The following DIAPH2 variants were observed in gnomAD, a reference collection of about 807,000 sequenced individuals.
DIAPH2 encodes protein diaphanous homolog 2.
A neutral mutation model predicts 92.7 loss-of-function variants in DIAPH2; 35 were observed. The observed-to-expected ratio is 0.38, with a 90% CI of 0.29 to 0.50. The LOEUF (loss-of-function observed/expected upper bound fraction) is 0.50, where lower values mean the gene tolerates loss of function less well. Ranked by LOEUF, DIAPH2 falls within the 20% of genes least tolerant of loss-of-function variation. The probability of loss-of-function intolerance (pLI) is 0.94; values close to 1 mark genes in which losing one functional copy is unlikely to be tolerated. For synonymous variants in DIAPH2, 301 were observed against 280.4 expected (o/e 1.07, Z -0.73); for missense variants, 701 against 819.5 (o/e 0.86, Z 1.77).
At chrX:96,884,364 G>A in intron 5 of DIAPH2, 2 of 1,210,737 alleles carry the variant, frequency 1.7e-6, no homozygotes, top group Non-Finnish European at 2.2e-6. Flanking sequence ...CTGATGGAGC[G>A]AGTGGAGGCA....
intron 23 of DIAPH2, among the ~76,000 whole-genome samples, chrX:97,332,552 T>C (rs1194435810): frequency 1.3e-4 from 14 of 111,962 alleles, no homozygotes; most frequent in Non-Finnish European, 2.6e-4. Context: ...ACACTATCTA[T>C]AATTCAGTAT....
At chrX:97,338,776 A>C (rs1208331437) in intron 23 of DIAPH2, among the ~76,000 whole-genome samples, 1 of 112,340 alleles carries the variant, frequency 8.9e-6, no homozygotes, top group Non-Finnish European at 1.9e-5. Context: ...GTGCTCTGCT[A>C]ATGCTTATTC....
chrX:96,939,425 G>C (rs774487509), intron 12 of DIAPH2, 43 bp downstream of exon 12: 2 of 533,272 alleles, frequency 3.8e-6, no homozygotes, highest in African/African-American at 5.1e-5. Flanking sequence ...AATTTGAATC[G>C]GATATTAAAG....
At chrX:97,538,795 G>GAAGAT (rs1219280815) in intron 26 of DIAPH2, among the ~76,000 whole-genome samples, 1 of 111,942 alleles carries the variant, frequency 8.9e-6, no homozygotes, top group African/African-American at 3.2e-5. Flanking sequence ...AGTCAAAAGT[G>GAAGAT]AAGATAAACT....
chrX:97,412,392 A>G (rs893467230), intron 25 of DIAPH2, among the ~76,000 whole-genome samples: 7 of 112,345 alleles, frequency 6.2e-5, no homozygotes, highest in South Asian at 3.7e-4. Context: ...TCTCTGGGAC[A>G]CATTTAAAGC....
intron 26 of DIAPH2, among the ~76,000 whole-genome samples, chrX:97,514,482 G>A (rs1313917444): frequency 8.9e-6 from 1 of 112,961 alleles, no homozygotes; most frequent in African/African-American, 3.2e-5. Flanking sequence ...AGAGTAATTT[G>A]ATCGTCTGAA....
In DIAPH2 at chrX:97,075,309, G is replaced by T. The variant is rs376713096; in HGVS notation, c.2247+48G>T. The T allele has an allele frequency of 5.7e-4, 483 of 842,832 alleles. 1 individual carries two copies. In the Middle Eastern group the frequency reaches 8.6e-3, roughly 15 times the overall value. The allele number at this position is 842,832 out of a possible 1,213,427, so 69.5% of individuals were successfully genotyped here. On this transcript the variant is annotated intron_variant, in intron 19 of 26. Coordinates refer to ENST00000324765, the MANE Select transcript of DIAPH2 (RefSeq NM_006729.5). ...GAAATTCATTTTCACAGATTTTTTT[G>T]GACTATTCTCTTCTCAATGGAGTTG...
chrX:97,246,069 A>G (rs1164955333), intron 22 of DIAPH2, among the ~76,000 whole-genome samples: 1 of 103,592 alleles, frequency 9.7e-6, no homozygotes, highest in African/African-American at 3.5e-5. Context: ...GGCCTGGCTA[A>G]TTTTTGTATT....
chrX:96,758,706 G>A (rs771195283), intron 4 of DIAPH2, among the ~76,000 whole-genome samples: 1 of 111,895 alleles, frequency 8.9e-6, no homozygotes, highest in African/African-American at 3.2e-5. Flanking sequence ...TTCGCAGTTA[G>A]CTTTTTTCAT....
At chrX:97,100,156 G>C (rs2066896777) in intron 20 of DIAPH2, among the ~76,000 whole-genome samples, 1 of 110,293 alleles carries the variant, frequency 9.1e-6, no homozygotes, top group African/African-American at 3.3e-5. Flanking sequence ...CAAAAAGTAG[G>C]TTAAAATAAA....
chrX:96,698,725 CT>C (rs35234363), intron 1 of DIAPH2, among the ~76,000 whole-genome samples: 38,973 of 91,446 alleles, frequency 0.43, 8,410 homozygotes, highest in Non-Finnish European at 0.58. Flanking sequence ...TAATCTTAAA[CT>C]TTTTTTTTTT....
chrX:97,466,604 G>A (rs2070514955), intron 26 of DIAPH2, among the ~76,000 whole-genome samples: 1 of 111,894 alleles, frequency 8.9e-6, no homozygotes, highest in Admixed American at 9.5e-5. Flanking sequence ...CTGGAAACTA[G>A]ATGAATTTAG....
At chrX:96,974,763 C>G (rs1367400755) in intron 17 of DIAPH2, among the ~76,000 whole-genome samples, 1 of 110,970 alleles carries the variant, frequency 9.0e-6, no homozygotes, top group Non-Finnish European at 1.9e-5. Flanking sequence ...ATGGTAGTGT[C>G]ACTCTCCTTT....
chrX:97,176,590 A>C (rs1343357086), intron 22 of DIAPH2, among the ~76,000 whole-genome samples: 1 of 110,514 alleles, frequency 9.0e-6, no homozygotes, highest in Non-Finnish European at 1.9e-5. Context: ...TGCAGTGGCG[A>C]GATCTCGGCT....
In DIAPH2 at chrX:97,500,763, GATATATATATATATATATATAT is replaced by G. The variant is rs56041649; in HGVS notation, c.3241+71037_3241+71058del. Among the ~76,000 whole-genome samples the G allele has an allele frequency of 9.9e-3, 593 of 60,106 alleles. 9 individuals carry two copies. Among genetic ancestry groups the G allele is most frequent in the African/African-American group, 0.031 (544 of 17,429 alleles). 52.2% of individuals were successfully genotyped at this position (60,106 alleles called of 115,157 possible). ...TGATTTCACAACAGCCATTCAAGGA[GATATATATATATATATATATAT>G]ATATATATATATATATATCCTTGCA... On this transcript the variant is annotated intron_variant, in intron 26 of 26. Transcript: ENST00000324765.
intron 22 of DIAPH2, among the ~76,000 whole-genome samples, chrX:97,160,329 G>T (rs761082532): frequency 2.4e-4 from 27 of 112,246 alleles, no homozygotes; most frequent in Non-Finnish European, 4.7e-4. Context: ...AACCGGAAGA[G>T]AACAGAGAAT....
intron 24 of DIAPH2, among the ~76,000 whole-genome samples, chrX:97,376,516 ATGG>A (rs1253930560): frequency 4.5e-5 from 5 of 112,252 alleles, no homozygotes; most frequent in Non-Finnish European, 7.5e-5. Context: ...ATTGGAGGAA[ATGG>A]AGTACAGACC....
chrX:97,290,812 C>T (rs369700495), intron 23 of DIAPH2, among the ~76,000 whole-genome samples: 2 of 111,968 alleles, frequency 1.8e-5, no homozygotes, highest in Non-Finnish European at 3.8e-5. Context: ...GGGCTGGTCA[C>T]GCCTGTAATC....
intron 4 of DIAPH2, among the ~76,000 whole-genome samples, chrX:96,852,564 T>C (rs1433259544): frequency 9.0e-6 from 1 of 111,548 alleles, no homozygotes; most frequent in Non-Finnish European, 1.9e-5. Flanking sequence ...ACTTGGAAAG[T>C]TGAGTTAACA....
Sources: gnomAD v4.1 joint callset for allele counts (sites outside exome capture counted in the v4.1 genomes callset) on GRCh38, gnomAD v4.1.1 for gene constraint, MANE v1.5 for transcripts, NCBI Gene and HGNC (gene_info 2026-07-23, HGNC 2026-07-21) for gene names.